MYH7B: variants seen among roughly 807,000 people sequenced by gnomAD.
The protein encoded by MYH7B is myosin heavy chain 7B.
Under a neutral mutation model 234.5 loss-of-function variants are expected in MYH7B, and 205 were observed. That is an observed-to-expected ratio of 0.87 (90% CI 0.78 to 0.98). The LOEUF (loss-of-function observed/expected upper bound fraction) is 0.98. Ranked by LOEUF, MYH7B falls within the 50% of genes least tolerant of loss-of-function variation. The probability of loss-of-function intolerance (pLI) is 0.00; values close to 1 mark genes in which losing one functional copy is unlikely to be tolerated. For missense variants in MYH7B, 2,652 were observed against 2,633.4 expected (o/e 1.01, Z -0.15); for synonymous variants, 1,193 against 1,105.0 (o/e 1.08, Z -1.58).
At chr20:34,986,908 C>A in exon 15 of MYH7B, 1 of 1,614,110 alleles carries the variant, frequency 6.2e-7, no homozygotes, top group African/African-American at 1.3e-5. Flanking sequence ...TGTCTATGAA[C>A]CCCTATGACT....
Position 34,982,475 on chromosome 20 carries a change from G to A in MYH7B, c.544G>A (p.Gly182Ser), listed in dbSNP as rs751376955. The stretch of plus-strand genomic sequence containing the variant: ...TCGTCCAAGCGGAGAGTCGGGGGCC[G>A]GTAAGACGGTTAACACCAAGCGGGT... Residue 182 changes from glycine (G) to serine (S), a missense_variant, in exon 10 of 45, where the codon GGT (glycine) becomes AGT (serine). Transcript: ENST00000262873. 21 of 1,613,790 alleles carry A rather than the reference G, an allele frequency of 1.3e-5. No individual in the cohort carries two copies. The highest frequency in any genetic ancestry group is 4.4e-5 in the South Asian group (4 of 91,078).
rs368491904 is a variant in MYH7B at position 35,001,995 on chromosome 20, C to T, written c.5724C>T (p.His1908=). The T allele has an allele frequency of 8.8e-5, 142 of 1,614,044 alleles. No homozygotes were observed. The highest frequency in any genetic ancestry group is 1.1e-4 in the Non-Finnish European group (128 of 1,179,950). Residue 1908 remains histidine (H), a synonymous_variant, in exon 44 of 45, where the codon CAC becomes CAT. Transcript: ENST00000262873. ...TGGCCAAGTATCGCAAGGCCCAGCACGAGCTGGATGATGCGGAGGAGCGGG... is the reference window on the plus strand; with the variant it reads ...TGGCCAAGTATCGCAAGGCCCAGCATGAGCTGGATGATGCGGAGGAGCGGG...
Position 35,000,447 on chromosome 20 carries a change from GC to G in MYH7B, c.4939del (p.Gln1647ArgfsTer6). 6.2e-7 allele frequency: 1 copy of G among 1,601,916 alleles called. No homozygotes were observed. On this transcript the variant is annotated frameshift_variant, in exon 39 of 45. Coordinates refer to ENST00000262873, the Ensembl canonical transcript of MYH7B. LOFTEE classifies it high-confidence loss of function. Reference sequence around the variant, plus strand: ...CCATGCCACCCGTCAGGCCACAGAGGCCCAGGCTGCCACGCGGCTGATGCAG... The same window carrying G: ...CCATGCCACCCGTCAGGCCACAGAGGCCAGGCTGCCACGCGGCTGATGCAG...
chr20:35,001,701 A>AC, intron 43 of MYH7B, 175 bp downstream of exon 43: 1 of 791,094 alleles, frequency 1.3e-6, no homozygotes, highest in South Asian at 1.8e-5. Context: ...CATGGAACAG[A>AC]CCCCATGTGC....
chr20:34,997,724 C>T, intron 32 of MYH7B, 84 bp downstream of exon 32: 1 of 1,520,502 alleles, frequency 6.6e-7, no homozygotes, highest in Non-Finnish European at 8.9e-7. Flanking sequence ...CCACACCAGC[C>T]TCCACCCAGT....
At chr20:34,990,743 C>T in exon 23 of MYH7B, 1 of 1,614,188 alleles carries the variant, frequency 6.2e-7, no homozygotes, top group Middle Eastern at 1.6e-4. Context: ...GCCAGGAGAA[C>T]CTCAACAAGC....
exon 32 of MYH7B, chr20:34,997,454 G>T: frequency 1.3e-6 from 2 of 1,490,884 alleles, no homozygotes; most frequent in Non-Finnish European, 1.8e-6. Context: ...AGCTGGAGGA[G>T]GCGGCGCTGC....
chr20:34,977,826 T>C (rs1373646749), intron 4 of MYH7B, 108 bp from the exon 5 acceptor site: 3 of 1,515,348 alleles, frequency 2.0e-6, no homozygotes, highest in Admixed American at 3.4e-5. Flanking sequence ...TGCTGGGCAC[T>C]CACCCAAGGA....
At chr20:34,984,601 C>T in intron 10 of MYH7B, 91 bp from the exon 11 acceptor site, 2 of 1,204,438 alleles carry the variant, frequency 1.7e-6, no homozygotes, top group Non-Finnish European at 2.4e-6. Flanking sequence ...CCCTGTCCTG[C>T]TGCCCGCTGC....
At position 34,996,764 on chromosome 20, in the gene MYH7B, T is replaced by C; in HGVS notation, c.3266+6T>C. 6.2e-7 allele frequency: 1 copy of C among 1,607,848 alleles called. No individual in the cohort carries two copies. Among genetic ancestry groups the C allele is most frequent in the Non-Finnish European group, 8.5e-7 (1 of 1,177,626 alleles). The stretch of plus-strand genomic sequence containing the variant: ...CTGGAGGAGAAGCTCAAGAAGTAGG[T>C]GTGGTGGGGCAGCAGGTGGGGGCCT... On this transcript the variant is annotated splice_donor_region_variant and intron_variant, in intron 30 of 44. Transcript: ENST00000262873.
chr20:34,986,017 CCT>C (rs536393509), intron 13 of MYH7B, 81 bp from the exon 14 acceptor site: 20 of 1,223,162 alleles, frequency 1.6e-5, no homozygotes, highest in Admixed American at 7.9e-5. Context: ...TCCCTGCCCA[CCT>C]CTCTCCCTCC....
rs779528389 is a variant in MYH7B, at chr20:34,986,895, TTCTG to T, written c.918_921del (p.Ser307Ter). 5.6e-6 allele frequency: 9 copies of T among 1,613,768 alleles called. No homozygotes were observed. Among genetic ancestry groups the T allele is most frequent in the Middle Eastern group, 1.6e-4 (1 of 6,062 alleles). Reference sequence around the variant, plus strand: ...TGCCCTGTGTCCCCAGACATGCTGCTTCTGTCTATGAACCCCTATGACTACCACT... The same window carrying T: ...TGCCCTGTGTCCCCAGACATGCTGCTTCTATGAACCCCTATGACTACCACT... On this transcript the variant is annotated frameshift_variant, in exon 15 of 45. Transcript: ENST00000262873. LOFTEE classifies it high-confidence loss of function.
intron 23 of MYH7B, 24 bp from the exon 24 acceptor site, chr20:34,990,980 G>T: frequency 6.2e-7 from 1 of 1,600,810 alleles, no homozygotes; most frequent in Non-Finnish European, 8.5e-7. Flanking sequence ...GTTGACCTCT[G>T]ACCTTTTCCC....
At chr20:34,988,026 C>T in intron 18 of MYH7B, 66 bp from the exon 19 acceptor site, 1 of 1,577,318 alleles carries the variant, frequency 6.3e-7, no homozygotes, top group Non-Finnish European at 8.6e-7. Flanking sequence ...GAACTCATGC[C>T]CCTCCCCGGG....
intron 2 of MYH7B, among the ~76,000 whole-genome samples, chr20:34,972,949 A>T (rs1172731389): frequency 6.6e-6 from 1 of 152,174 alleles, no homozygotes; most frequent in Non-Finnish European, 1.5e-5. Flanking sequence ...TTTTAAAAAT[A>T]TTTTTTTGTA....
At position 34,997,527 on chromosome 20, in the gene MYH7B, G is replaced by A. The variant is rs1267784799; in HGVS notation, c.3634G>A (p.Glu1212Lys). 6.8e-6 allele frequency: 11 copies of A among 1,607,478 alleles called. No homozygotes were observed. The highest frequency in any genetic ancestry group is 6.7e-5 in the Admixed American group (4 of 59,406). Residue 1212 changes from glutamate to lysine, a missense_variant, in exon 32 of 45, where the codon GAG becomes AAG. By Grantham distance (56) the Glu-to-Lys change is moderately conservative. This residue lies in a region of MYH7B where 2,279 missense variants were observed against 2,211.4 expected (regional missense o/e 1.03). Coordinates refer to ENST00000262873, the Ensembl canonical transcript of MYH7B. The stretch of plus-strand genomic sequence containing the variant: ...GGCGGAGGGCGCGGCGGAGCTGGGG[G>A]AGCAGGTGGACAGCCTGCAGCGGGT...
intron 8 of MYH7B, 79 bp from the exon 9 acceptor site, chr20:34,980,954 A>G (rs960359571): frequency 1.3e-6 from 2 of 1,597,486 alleles, no homozygotes; most frequent in South Asian, 1.1e-5. Flanking sequence ...GGTCTGCCCC[A>G]GATGGATACC....
At chr20:34,965,638 G>A (rs1452140678) in intron 2 of MYH7B, among the ~76,000 whole-genome samples, 1 of 152,198 alleles carries the variant, frequency 6.6e-6, no homozygotes, top group East Asian at 1.9e-4. Context: ...CTCAGAAATG[G>A]GGACATGTGA....
chr20:34,979,505 C>G lies in MYH7B; in HGVS notation c.198+9C>G. The G allele has an allele frequency of 6.2e-7, 1 of 1,609,008 alleles. No individual in the cohort carries two copies. Among genetic ancestry groups the G allele is most frequent in the Non-Finnish European group, 8.5e-7 (1 of 1,176,910 alleles). ...AGACCAAAGACCAGAAGGTTCCGTT[C>G]CCCCTTTCCTGAGATTAGCCTCTCT... On this transcript the variant is annotated intron_variant, in intron 6 of 44. Transcript: ENST00000262873.
Sources: gnomAD v4.1 joint callset for allele counts (sites outside exome capture counted in the v4.1 genomes callset) on GRCh38, gnomAD v4.1.1 for gene constraint, gnomAD v4.1.1 regional missense constraint, MANE v1.5 for transcripts, NCBI Gene and HGNC (gene_info 2026-07-23, HGNC 2026-07-21) for gene names.